The following SKAP2 variants were observed in gnomAD, a reference collection of about 807,000 sequenced individuals.
The protein encoded by SKAP2 is src kinase associated phosphoprotein 2.
In SKAP2, 28 loss-of-function variants were observed where a neutral mutation model predicts 54.9. That is an observed-to-expected ratio of 0.51 (90% CI 0.38 to 0.70). The LOEUF is 0.70. Ranked by LOEUF, SKAP2 falls within the 30% of genes least tolerant of loss-of-function variation. SKAP2 has a pLI of 0.00. For synonymous variants in SKAP2, 137 were observed against 134.3 expected (o/e 1.02, Z -0.14); for missense variants, 356 against 424.1 (o/e 0.84, Z 1.41).
At chr7:26,726,644 GAAGT>G in intron 7 of SKAP2, 3 of 338,494 alleles carry the variant, frequency 8.9e-6, no homozygotes, top group Non-Finnish European at 1.6e-5. Context: ...TGCAACATGT[GAAGT>G]AATTGATAAA....
intron 11 of SKAP2, among the ~76,000 whole-genome samples, chr7:26,683,625 A>G (rs1239036935): frequency 6.6e-6 from 1 of 152,198 alleles, no homozygotes; most frequent in South Asian, 2.1e-4. Flanking sequence ...GTCAAGACAC[A>G]GCTCAAATCA....
At chr7:26,803,014 T>C (rs1783948573) in intron 4 of SKAP2, among the ~76,000 whole-genome samples, 1 of 152,114 alleles carries the variant, frequency 6.6e-6, no homozygotes, top group Non-Finnish European at 1.5e-5. Flanking sequence ...ACTATGAAAC[T>C]ACTACAAGAA....
chr7:26,749,045 T>C (rs1287261504), intron 4 of SKAP2, among the ~76,000 whole-genome samples: 1 of 152,192 alleles, frequency 6.6e-6, no homozygotes, highest in African/African-American at 2.4e-5. Flanking sequence ...TTGTCTCTTA[T>C]TACTACTAGT....
intron 9 of SKAP2, among the ~76,000 whole-genome samples, chr7:26,721,814 T>C (rs1461547196): frequency 5.3e-5 from 8 of 152,148 alleles, no homozygotes; most frequent in Admixed American, 5.2e-4. Context: ...ACATAGTGAA[T>C]AGAAGAGAAG....
chr7:26,807,004 T>C (rs1784042649), intron 4 of SKAP2, among the ~76,000 whole-genome samples: 1 of 152,122 alleles, frequency 6.6e-6, no homozygotes, highest in Non-Finnish European at 1.5e-5. Context: ...ATGATGGAAA[T>C]AGCAAGAGAA....
intron 4 of SKAP2, among the ~76,000 whole-genome samples, chr7:26,813,273 T>G (rs950059960): frequency 6.6e-6 from 1 of 152,220 alleles, no homozygotes; most frequent in East Asian, 1.9e-4. Flanking sequence ...ATTGTATTCA[T>G]GCTGTGCAAA....
intron 4 of SKAP2, among the ~76,000 whole-genome samples, chr7:26,761,146 G>C (rs189207760): frequency 1.4e-4 from 22 of 152,242 alleles, no homozygotes; most frequent in Admixed American, 1.2e-3. Flanking sequence ...AGAAAAACCA[G>C]AGAGGAAAGC....
At chr7:26,788,636 A>T (rs992495065) in intron 4 of SKAP2, among the ~76,000 whole-genome samples, 1 of 152,206 alleles carries the variant, frequency 6.6e-6, no homozygotes, top group Non-Finnish European at 1.5e-5. Context: ...AAGAAAAATC[A>T]GGTAAGAAAG....
chr7:26,762,579 T>C (rs886760046), intron 4 of SKAP2, among the ~76,000 whole-genome samples: 26 of 152,030 alleles, frequency 1.7e-4, no homozygotes, highest in Non-Finnish European at 3.5e-4. Flanking sequence ...GGCTCATGCC[T>C]GTAATCCCAG....
intron 4 of SKAP2, among the ~76,000 whole-genome samples, chr7:26,806,991 G>C (rs1202619282): frequency 6.6e-6 from 1 of 152,176 alleles, no homozygotes. Context: ...AGTCGCTGCA[G>C]ATATGATGGA....
rs996992227 is a variant in SKAP2, at chr7:26,843,973, A to G, written c.307+57T>C. 64 of 1,070,562 alleles carry G rather than the reference A, an allele frequency of 6.0e-5. No individual in the cohort carries two copies. The East Asian group carries it at 1.5e-3, about 24-fold the overall frequency. The allele number at this position is 1,070,562 out of a possible 1,614,324, so 66.3% of individuals were successfully genotyped here. The stretch of plus-strand genomic sequence containing the variant: ...CTGCTTTCTCATAAAACTACCACCC[A>G]TATATATAGCATTGTTTTGTGTGAG... On this transcript the variant is annotated intron_variant, in intron 4 of 12. Coordinates refer to ENST00000345317, the MANE Select transcript of SKAP2 (RefSeq NM_003930.5).
chr7:26,832,182 A>G (rs1784608769), intron 4 of SKAP2, among the ~76,000 whole-genome samples: 1 of 152,244 alleles, frequency 6.6e-6, no homozygotes, highest in South Asian at 2.1e-4. Flanking sequence ...GCAACTGAAT[A>G]AAGTTGGTAA....
intron 9 of SKAP2, among the ~76,000 whole-genome samples, chr7:26,713,009 T>C (rs1276942354): frequency 6.6e-6 from 1 of 152,242 alleles, no homozygotes; most frequent in East Asian, 1.9e-4. Flanking sequence ...GTGTCATTTA[T>C]GCACATGGGG....
At chr7:26,737,825 T>A (rs1385233539) in intron 6 of SKAP2, among the ~76,000 whole-genome samples, 1 of 152,238 alleles carries the variant, frequency 6.6e-6, no homozygotes, top group Non-Finnish European at 1.5e-5. Flanking sequence ...CTTAAAATTA[T>A]GTGAACTACA....
intron 4 of SKAP2, among the ~76,000 whole-genome samples, chr7:26,766,982 T>C (rs971141321): frequency 6.6e-6 from 1 of 152,204 alleles, no homozygotes; most frequent in Non-Finnish European, 1.5e-5. Context: ...GCTGGCCTCA[T>C]AAAATGAGTT....
intron 4 of SKAP2, among the ~76,000 whole-genome samples, chr7:26,804,071 T>A (rs1783973146): frequency 6.6e-6 from 1 of 152,156 alleles, no homozygotes; most frequent in African/African-American, 2.4e-5. Context: ...GTGATTATAG[T>A]CAACAGTAAC....
the SKAP2 span, among the ~76,000 whole-genome samples, chr7:26,654,946 C>G: frequency 1.3e-5 from 2 of 152,118 alleles, no homozygotes; most frequent in Admixed American, 6.6e-5. Flanking sequence ...ATCCAGGGAC[C>G]CGTTGGTGAT....
At chr7:26,740,081 A>C (rs1782401576) in intron 4 of SKAP2, 117 bp from the exon 5 acceptor site, 2 of 621,916 alleles carry the variant, frequency 3.2e-6, no homozygotes, top group African/African-American at 1.9e-5. Flanking sequence ...TTTAAATCTA[A>C]GTCTATTAGC....
intron 10 of SKAP2, 88 bp from the exon 11 acceptor site, chr7:26,684,936 C>A (rs1207359415): frequency 2.7e-6 from 2 of 730,486 alleles, no homozygotes. Context: ...TAAATGATGC[C>A]CTAGATCACT....
Sources: gnomAD v4.1 joint callset for allele counts (sites outside exome capture counted in the v4.1 genomes callset) on GRCh38, gnomAD v4.1.1 for gene constraint, MANE v1.5 for transcripts, NCBI Gene and HGNC (gene_info 2026-07-23, HGNC 2026-07-21) for gene names.